AVL9: variants seen among roughly 807,000 people sequenced by gnomAD.
The protein encoded by AVL9 is AVL9 cell migration associated.
Under a neutral mutation model 79.2 loss-of-function variants are expected in AVL9, and 49 were observed. That is an observed-to-expected ratio of 0.62 (90% CI 0.49 to 0.79). AVL9 has a LOEUF of 0.79. Among genes scored for constraint, AVL9 ranks in the 30% least tolerant of loss-of-function variants. The pLI is 0.00. For missense variants in AVL9, 682 were observed against 776.8 expected (o/e 0.88, Z 1.45); for synonymous variants, 299 against 280.6 (o/e 1.07, Z -0.65).
At chr7:32,512,668 A>G (rs67739505) in intron 1 of AVL9, among the ~76,000 whole-genome samples, 1 of 152,044 alleles carries the variant, frequency 6.6e-6, no homozygotes. Flanking sequence ...ACCAGAAACA[A>G]AAGGCCAAAG....
intron 10 of AVL9, among the ~76,000 whole-genome samples, chr7:32,565,972 C>T (rs1790546870): frequency 1.4e-5 from 1 of 69,464 alleles, no homozygotes; most frequent in African/African-American, 6.1e-5. Context: ...CGTGCCACTG[C>T]ACTCCAAAAA....
rs1791439220 is a variant in AVL9, at chr7:32,580,223, C to G, written c.1693C>G (p.Pro565Ala). Residue 565 changes from proline (P) to alanine (A), a missense_variant, in exon 14 of 16, where the codon CCA (proline) becomes GCA (alanine). By Grantham distance (27) the Pro-to-Ala change is conservative. Coordinates refer to ENST00000318709, the MANE Select transcript of AVL9 (RefSeq NM_015060.3). ...AAACTCAAACTTTTTTTACAGCCAT[C>G]CATTTCAAGGCCAATACTCAGTATC... Reference protein sequence around the residue: ...PALAEINPNHPFQGQYSVSDM... With the variant: ...PALAEINPNHAFQGQYSVSDM... 1.2e-6 allele frequency: 2 copies of G among 1,610,328 alleles called. No individual in the cohort carries two copies. Among genetic ancestry groups the G allele is most frequent in the Middle Eastern group, 1.7e-4 (1 of 6,050 alleles).
chr7:32,555,957 CTA>C (rs1386530570), intron 8 of AVL9, among the ~76,000 whole-genome samples: 3 of 151,906 alleles, frequency 2.0e-5, no homozygotes, highest in African/African-American at 4.8e-5. Flanking sequence ...AAGTGAGTAA[CTA>C]TTAGTTTATC....
At chr7:32,500,433 G>T (rs1260470349) in intron 1 of AVL9, among the ~76,000 whole-genome samples, 1 of 151,710 alleles carries the variant, frequency 6.6e-6, no homozygotes, top group African/African-American at 2.4e-5. Context: ...TGATGGGGTT[G>T]TTTTTTTTCT....
intron 12 of AVL9, among the ~76,000 whole-genome samples, chr7:32,575,515 CTTT>C (rs34398970): frequency 7.2e-6 from 1 of 139,074 alleles, no homozygotes; most frequent in South Asian, 2.4e-4. Context: ...CATTCTTAAT[CTTT>C]TTTTTTGTAG....
At chr7:32,532,526 C>T (rs1418664599) in intron 1 of AVL9, 1 of 147,964 alleles carries the variant, frequency 6.8e-6, no homozygotes, top group Non-Finnish European at 1.5e-5. Flanking sequence ...TCCTGATATT[C>T]TGTTTCACTG....
intron 3 of AVL9, 37 bp downstream of exon 3, chr7:32,544,816 CCTT>C: frequency 6.7e-7 from 1 of 1,503,336 alleles, no homozygotes. Flanking sequence ...TTCCAAAGTC[CCTT>C]CTTAGATGTT....
chr7:32,515,248 CAA>C (rs1486080927), intron 1 of AVL9, among the ~76,000 whole-genome samples: 1 of 152,204 alleles, frequency 6.6e-6, no homozygotes, highest in African/African-American at 2.4e-5. Flanking sequence ...AGACTTGTCT[CAA>C]ATACTTTTTG....
At chr7:32,558,684 AC>A in intron 9 of AVL9, 56 bp downstream of exon 9, 1 of 1,394,082 alleles carries the variant, frequency 7.2e-7, no homozygotes, top group South Asian at 1.3e-5. Context: ...TGGAACCTAA[AC>A]TTTTAGAAAT....
chr7:32,498,491 C>G (rs1459266637), intron 1 of AVL9, among the ~76,000 whole-genome samples: 1 of 152,062 alleles, frequency 6.6e-6, no homozygotes, highest in Admixed American at 6.6e-5. Context: ...CTCAAGTGAT[C>G]CACCCGCCTT....
At chr7:32,497,046 C>A (rs1786855547) in intron 1 of AVL9, among the ~76,000 whole-genome samples, 1 of 152,198 alleles carries the variant, frequency 6.6e-6, no homozygotes, top group South Asian at 2.1e-4. Context: ...GCTACAGTGA[C>A]CCTTGATCCC....
chr7:32,571,477 G>A (rs1419939916), intron 11 of AVL9, among the ~76,000 whole-genome samples: 10 of 151,104 alleles, frequency 6.6e-5, no homozygotes, highest in East Asian at 2.0e-4. Flanking sequence ...GCAGGGAGCC[G>A]AGATCGTGCC....
rs536072866 is a variant in AVL9 at position 32,580,843 on chromosome 7, T to C, written c.1784T>C (p.Val595Ala). ...NSERGKKIGNVMVTTSRNVVQ... is the reference protein window; with the variant it reads ...NSERGKKIGNAMVTTSRNVVQ... ...GAACGTGGCAAAAAAATTGGAAACG[T>C]CATGGTCACAACTAGCCGGAATGTT... The change falls in exon 15 of 16, where the codon GTC becomes GCC. Residue 595 changes from valine to alanine, a missense_variant. By Grantham distance (64) the Val-to-Ala change is moderately conservative (BLOSUM62 0). Coordinates refer to ENST00000318709, the MANE Select transcript of AVL9 (RefSeq NM_015060.3). 1.2e-4 allele frequency: 198 copies of C among 1,613,910 alleles called. 4 individuals carry two copies. The South Asian group carries it at 2.1e-3, about 17-fold the overall frequency.
chr7:32,495,767 G>C lies in AVL9; in HGVS notation c.58G>C (p.Val20Leu). 7.9e-7 allele frequency: 1 copy of C among 1,260,132 alleles called. No homozygotes were observed. Among genetic ancestry groups the C allele is most frequent in the Non-Finnish European group, 1.0e-6 (1 of 992,372 alleles). 78.1% of individuals were successfully genotyped at this position (1,260,132 alleles called of 1,614,324 possible). A position where few individuals can be genotyped will look rare whatever the true frequency, so the allele number is the denominator to read the frequency against. The change falls in exon 1 of 16, where the codon GTG (valine) becomes CTG (leucine). Residue 20 changes from valine to leucine, a missense_variant. By Grantham distance (32) the Val-to-Leu change is conservative (BLOSUM62 1). Transcript: ENST00000318709. Reference protein sequence around the residue: ...GVPRGPVLHIVVVGFHHKKGC... With the variant: ...GVPRGPVLHILVVGFHHKKGC... ...CCCCCGGGGGCCCGTACTGCACATC[G>C]TGGTGGTCGGATTTCACCACAAGAA...
At chr7:32,552,934 G>A (rs1285070472) in intron 6 of AVL9, among the ~76,000 whole-genome samples, 1 of 152,100 alleles carries the variant, frequency 6.6e-6, no homozygotes, top group African/African-American at 2.4e-5. Flanking sequence ...AGGGATTTTT[G>A]TTTAATTTAT....
chr7:32,534,126 G>C (rs1441765042), intron 1 of AVL9: 1 of 152,110 alleles, frequency 6.6e-6, no homozygotes, highest in African/African-American at 2.4e-5. Context: ...AGTTCATTTA[G>C]CATTTAGAAA....
chr7:32,573,509 C>A, intron 12 of AVL9, 91 bp downstream of exon 12: 1 of 1,143,834 alleles, frequency 8.7e-7, no homozygotes, highest in Non-Finnish European at 1.2e-6. Flanking sequence ...ACAATAAATA[C>A]ATATTCCTTA....
At chr7:32,545,364 C>CTTTTTTTTTTTTTTTTTTTTTT (rs10610945) in intron 3 of AVL9, among the ~76,000 whole-genome samples, 1 of 73,352 alleles carries the variant, frequency 1.4e-5, no homozygotes, top group African/African-American at 5.5e-5. Flanking sequence ...TCTAAGATTT[C>CTTTTTTTTTTTTTTTTTTTTTT]TTTTTTTTTT....
intron 10 of AVL9, among the ~76,000 whole-genome samples, chr7:32,560,792 C>G (rs1396294265): frequency 2.0e-5 from 3 of 152,106 alleles, no homozygotes; most frequent in African/African-American, 7.2e-5. Flanking sequence ...AAATGTGTTT[C>G]TTAAATAATA....
Sources: gnomAD v4.1 joint callset for allele counts (sites outside exome capture counted in the v4.1 genomes callset) on GRCh38, gnomAD v4.1.1 for gene constraint, MANE v1.5 for transcripts, NCBI Gene and HGNC (gene_info 2026-07-23, HGNC 2026-07-21) for gene names.